The following ARHGEF4 variants were observed in gnomAD, a reference collection of about 807,000 sequenced individuals.
The protein encoded by ARHGEF4 is APC-stimulated guanine nucleotide exchange factor 1.
Under a neutral mutation model 162.0 loss-of-function variants are expected in ARHGEF4, and 119 were observed. The ratio of observed to expected loss-of-function variants is 0.73; its 90% CI spans 0.63 to 0.86. The LOEUF is 0.86. Among genes scored for constraint, ARHGEF4 ranks in the 40% least tolerant of loss-of-function variants. The probability of loss-of-function intolerance (pLI) is 0.00; values close to 1 mark genes in which losing one functional copy is unlikely to be tolerated. For synonymous variants in ARHGEF4, 1,014 were observed against 979.9 expected (o/e 1.03, Z -0.65); for missense variants, 2,488 against 2,456.0 (o/e 1.01, Z -0.28).
intron 3 of ARHGEF4, among the ~76,000 whole-genome samples, chr2:130,937,749 G>C (rs1683050056): frequency 1.3e-5 from 2 of 150,332 alleles, no homozygotes; most frequent in African/African-American, 4.9e-5. Flanking sequence ...CTCACTGCAA[G>C]CTCTGCCTCC....
chr2:130,894,479 C>T (rs1038763089), intron 1 of ARHGEF4, among the ~76,000 whole-genome samples: 1 of 152,152 alleles, frequency 6.6e-6, no homozygotes, highest in Non-Finnish European at 1.5e-5. Context: ...CACGGAGACA[C>T]CTGGACAGGA....
intron 2 of ARHGEF4, among the ~76,000 whole-genome samples, chr2:130,927,639 C>T (rs1446084343): frequency 6.6e-6 from 1 of 152,168 alleles, no homozygotes; most frequent in Non-Finnish European, 1.5e-5. Context: ...CTGTCTGGAC[C>T]TAGTGACAGC....
intron 4 of ARHGEF4, among the ~76,000 whole-genome samples, chr2:130,976,046 G>A (rs1480756504): frequency 6.6e-6 from 1 of 152,108 alleles, no homozygotes; most frequent in African/African-American, 2.4e-5. Context: ...TCGACCTCAG[G>A]TCTATCCGAA....
chr2:130,896,989 T>C (rs1235544740), intron 1 of ARHGEF4, among the ~76,000 whole-genome samples: 4 of 152,062 alleles, frequency 2.6e-5, no homozygotes, highest in African/African-American at 4.8e-5. Flanking sequence ...CCCAGCTGGA[T>C]CACCAGGCTG....
At chr2:130,911,229 T>C (rs1340834974) in intron 1 of ARHGEF4, among the ~76,000 whole-genome samples, 1 of 152,220 alleles carries the variant, frequency 6.6e-6, no homozygotes, top group Admixed American at 6.5e-5. Context: ...GAACACTCAC[T>C]GCAGCTGTTT....
chr2:130,990,501 G>C (rs1302680957), intron 4 of ARHGEF4, among the ~76,000 whole-genome samples: 1 of 152,008 alleles, frequency 6.6e-6, no homozygotes, highest in Non-Finnish European at 1.5e-5. Flanking sequence ...CAGTTCTGCA[G>C]GATGGTGAGC....
At chr2:130,894,630 A>G (rs771906850) in intron 1 of ARHGEF4, among the ~76,000 whole-genome samples, 2 of 151,662 alleles carry the variant, frequency 1.3e-5, no homozygotes, top group Non-Finnish European at 2.9e-5. Flanking sequence ...CAAAACATCT[A>G]TTGCCTTTCT....
In ARHGEF4 at chr2:130,850,804, A is replaced by G. The variant is rs181402355; in HGVS notation, c.39+13812A>G. The stretch of plus-strand genomic sequence containing the variant: ...AAGGGGAAGCAGGAGTCAGCGTCAA[A>G]TCCCCTGCCACTGTACAGTCTTTCC... On this transcript the variant is annotated intron_variant, in intron 1 of 13. Coordinates refer to ENST00000409359, the MANE Select transcript of ARHGEF4 (RefSeq NM_001367493.1). Among the ~76,000 whole-genome samples the G allele has an allele frequency of 2.7e-3, 415 of 152,314 alleles. 1 individual carries two copies. The highest frequency in any genetic ancestry group is 4.3e-3 in the Non-Finnish European group (292 of 68,008).
chr2:130,950,720 A>G (rs1266642258), intron 4 of ARHGEF4, among the ~76,000 whole-genome samples: 1 of 140,990 alleles, frequency 7.1e-6, no homozygotes, highest in Non-Finnish European at 1.5e-5. Flanking sequence ...CCACTTATCT[A>G]CTTCCTGTCT....
chr2:130,934,913 T>C (rs1682846040), intron 3 of ARHGEF4, among the ~76,000 whole-genome samples: 1 of 152,192 alleles, frequency 6.6e-6, no homozygotes, highest in Non-Finnish European at 1.5e-5. Context: ...TTATCTACAT[T>C]ATCTAATCTG....
chr2:130,987,020 C>G (rs1286296715), intron 4 of ARHGEF4, among the ~76,000 whole-genome samples: 2 of 152,212 alleles, frequency 1.3e-5, no homozygotes, highest in East Asian at 3.9e-4. Context: ...TGTGCATCCC[C>G]CCGTGGTCCT....
At chr2:130,849,669 A>G (rs1681261263) in intron 1 of ARHGEF4, among the ~76,000 whole-genome samples, 2 of 151,876 alleles carry the variant, frequency 1.3e-5, no homozygotes. Context: ...CCCAGGTTCA[A>G]GTATTCTCCT....
intron 12 of ARHGEF4, 70 bp downstream of exon 12, chr2:131,044,612 G>C: frequency 6.6e-7 from 1 of 1,513,288 alleles, no homozygotes; most frequent in South Asian, 1.3e-5. Context: ...CTGGCCGCCT[G>C]CCGGTCAGGA....
At position 130,917,087 on chromosome 2, in the gene ARHGEF4, T is replaced by C; in HGVS notation, c.3141T>C (p.Phe1047=). The C allele has an allele frequency of 6.4e-7, 1 of 1,550,582 alleles. No homozygotes were observed. Among genetic ancestry groups the C allele is most frequent in the Non-Finnish European group, 8.7e-7 (1 of 1,146,986 alleles). The change falls in exon 2 of 14, where the codon TTT becomes TTC. Residue 1047 remains phenylalanine, a synonymous_variant. Transcript: ENST00000409359. ...GTAGGTACCTACCTTCAGGTATCTT[T>C]CCGGAAAAGTCCTGGCTGGCGTCCC... The part of the protein sequence containing the change: ...EGGRYLPSGI[F]PEKSWLASPG...
intron 1 of ARHGEF4, among the ~76,000 whole-genome samples, chr2:130,852,149 G>A (rs1267409357): frequency 1.3e-5 from 2 of 152,232 alleles, no homozygotes; most frequent in Non-Finnish European, 2.9e-5. Context: ...ACCCTGCGCT[G>A]GGGCTGGGGA....
At chr2:130,904,453 C>T (rs1046519518) in intron 1 of ARHGEF4, among the ~76,000 whole-genome samples, 6 of 152,104 alleles carry the variant, frequency 3.9e-5, no homozygotes, top group African/African-American at 1.4e-4. Context: ...GCTAGAAGTG[C>T]AGTTCCCCAC....
At chr2:130,987,056 G>A (rs1316935413) in intron 4 of ARHGEF4, among the ~76,000 whole-genome samples, 1 of 152,246 alleles carries the variant, frequency 6.6e-6, no homozygotes, top group Non-Finnish European at 1.5e-5. Context: ...GTGCTGGGAA[G>A]CACAGCTGTG....
At chr2:130,984,544 G>T (rs548775383) in intron 4 of ARHGEF4, among the ~76,000 whole-genome samples, 1 of 35,914 alleles carries the variant, frequency 2.8e-5, no homozygotes, top group Admixed American at 4.6e-4. Context: ...TACAAAAATT[G>T]CCGGGTGTAG....
intron 1 of ARHGEF4, among the ~76,000 whole-genome samples, chr2:130,889,151 G>T (rs1422162843): frequency 1.3e-5 from 2 of 150,966 alleles, no homozygotes; most frequent in African/African-American, 4.9e-5. Flanking sequence ...GTCTCTATTT[G>T]TTAATATTGT....
Sources: allele counts gnomAD v4.1 joint callset (sites outside exome capture counted in the v4.1 genomes callset), GRCh38; gene constraint gnomAD v4.1.1; transcripts MANE v1.5; gene names NCBI Gene and HGNC (gene_info 2026-07-23, HGNC 2026-07-21).